The following CNTNAP5 variants were observed in gnomAD, a reference collection of about 807,000 sequenced individuals.
The protein encoded by CNTNAP5 is contactin-associated protein-like 5.
CNTNAP5 carries 72 observed loss-of-function variants against 150.2 expected under a neutral mutation model. That is an observed-to-expected ratio of 0.48 (90% confidence interval 0.40 to 0.58). The LOEUF (loss-of-function observed/expected upper bound fraction) is 0.58. Among genes scored for constraint, CNTNAP5 ranks in the 20% least tolerant of loss-of-function variants. CNTNAP5 has a pLI of 0.00. For synonymous variants in CNTNAP5, 672 were observed against 619.8 expected, an observed-to-expected ratio of 1.08 and a Z score of -1.25; for missense variants, 1,636 against 1,626.2, an observed-to-expected ratio of 1.01 and a Z score of -0.10.
intron 17 of CNTNAP5, among the ~76,000 whole-genome samples, chr2:124,786,977 G>C (rs1681612444): frequency 6.6e-6 from 1 of 152,236 alleles, no homozygotes; most frequent in African/African-American, 2.4e-5. Flanking sequence ...CGGTTTGTCA[G>C]CATCTGTAAT....
At chr2:124,623,681 T>A (rs1677663947) in intron 12 of CNTNAP5, among the ~76,000 whole-genome samples, 1 of 152,208 alleles carries the variant, frequency 6.6e-6, no homozygotes, top group African/African-American at 2.4e-5. Flanking sequence ...CTTCTCCTTA[T>A]CTTCTTTTGC....
At chr2:124,550,927 T>C (rs1023738284) in intron 10 of CNTNAP5, among the ~76,000 whole-genome samples, 4 of 152,198 alleles carry the variant, frequency 2.6e-5, no homozygotes, top group African/African-American at 9.6e-5. Flanking sequence ...TTTGTCATAC[T>C]AACAATATTA....
intron 19 of CNTNAP5, among the ~76,000 whole-genome samples, chr2:124,832,356 A>C (rs1573647077): frequency 6.6e-6 from 1 of 152,152 alleles, no homozygotes; most frequent in South Asian, 2.1e-4. Flanking sequence ...ATACACATAC[A>C]TATGCAAACA....
At chr2:124,839,456 CCT>C (rs1682898611) in intron 19 of CNTNAP5, among the ~76,000 whole-genome samples, 1 of 151,412 alleles carries the variant, frequency 6.6e-6, no homozygotes, top group African/African-American at 2.4e-5. Context: ...TCCCTTTCCC[CCT>C]CTCTCTTTAC....
intron 8 of CNTNAP5, among the ~76,000 whole-genome samples, chr2:124,507,250 G>A (rs1694432107): frequency 6.6e-6 from 1 of 152,068 alleles, no homozygotes; most frequent in South Asian, 2.1e-4. Context: ...CATGAGCCCA[G>A]AAGTTCAAAA....
rs1684458447 is a variant in CNTNAP5, at chr2:124,153,717, C to G, written c.83-67988C>G. 2.7e-5 allele frequency among the ~76,000 whole-genome samples: 4 copies of G among 147,158 alleles called. No individual in the cohort carries two copies. The Admixed American group carries it at 2.8e-4, about 10-fold the overall frequency. On this transcript the variant is annotated intron_variant, in intron 1 of 23. Transcript: ENST00000682447. Reference sequence around the variant, plus strand: ...CTCCTCCTCCCAGGTTCACGCTATTCTCCTGCCTCAGCTTCCCAAGTAGCT... The same window carrying G: ...CTCCTCCTCCCAGGTTCACGCTATTGTCCTGCCTCAGCTTCCCAAGTAGCT...
intron 10 of CNTNAP5, among the ~76,000 whole-genome samples, chr2:124,542,785 A>T (rs1695417702): frequency 6.6e-6 from 1 of 152,102 alleles, no homozygotes; most frequent in African/African-American, 2.4e-5. Context: ...TGATGCATTC[A>T]GCTGAGACAC....
rs770769795 is a variant in CNTNAP5 at position 124,747,372 on chromosome 2, G to C, written c.2221G>C (p.Asp741His). 8 of 1,613,642 alleles carry C rather than the reference G, an allele frequency of 5.0e-6. No individual in the cohort carries two copies. In the Admixed American group the frequency reaches 1.2e-4, roughly 24 times the overall value. Residue 741 changes from aspartate to histidine, a missense_variant, in exon 14 of 24, where the codon GAC (aspartate) becomes CAC (histidine). Asp to His is a moderately conservative substitution (Grantham distance 81). Coordinates refer to ENST00000682447, the MANE Select transcript of CNTNAP5 (RefSeq NM_001367498.1). ...DIQHFCNCDA[D>H]KDEWTNDTGF... ...TCAGCACTTTTGCAATTGCGACGCT[G>C]ACAAGGATGAATGGTAATGAGAATC... is the stretch of plus-strand genomic sequence containing the variant.
intron 1 of CNTNAP5, among the ~76,000 whole-genome samples, chr2:124,078,258 T>C (rs1379836246): frequency 1.3e-5 from 2 of 152,224 alleles, no homozygotes; most frequent in East Asian, 1.9e-4. Context: ...GACTGTTATT[T>C]TTATTTAACA....
chr2:124,534,810 C>T (rs988188945), intron 10 of CNTNAP5, among the ~76,000 whole-genome samples: 1 of 152,194 alleles, frequency 6.6e-6, no homozygotes, highest in Non-Finnish European at 1.5e-5. Context: ...TTACTGGATC[C>T]TGTTTTATCA....
chr2:124,675,306 A>G (rs1276504025), intron 13 of CNTNAP5, among the ~76,000 whole-genome samples: 2 of 152,086 alleles, frequency 1.3e-5, no homozygotes, highest in African/African-American at 2.4e-5. Flanking sequence ...TGCATGGTGT[A>G]TCTTTTACCA....
chr2:124,309,367 A>G (rs1170579947), intron 3 of CNTNAP5, among the ~76,000 whole-genome samples: 1 of 152,234 alleles, frequency 6.6e-6, no homozygotes, highest in Non-Finnish European at 1.5e-5. Flanking sequence ...TACTACAGAT[A>G]TTCAGTAAAG....
At chr2:124,547,569 A>C (rs1695541702) in intron 10 of CNTNAP5, among the ~76,000 whole-genome samples, 1 of 152,136 alleles carries the variant, frequency 6.6e-6, no homozygotes, top group Admixed American at 6.5e-5. Context: ...CTGTTGTGTC[A>C]GTATCTGGGG....
chr2:124,728,687 G>A (rs1003138260), intron 13 of CNTNAP5, among the ~76,000 whole-genome samples: 1 of 151,928 alleles, frequency 6.6e-6, no homozygotes, highest in African/African-American at 2.4e-5. Flanking sequence ...AATGCTTCAT[G>A]GGAGAGGTAA....
chr2:124,242,704 G>A (rs747447037), intron 3 of CNTNAP5, among the ~76,000 whole-genome samples: 1 of 152,044 alleles, frequency 6.6e-6, no homozygotes. Flanking sequence ...CAAAAAGTAC[G>A]ATTATTAATG....
chr2:124,830,931 G>T (rs1165700381), intron 19 of CNTNAP5, among the ~76,000 whole-genome samples: 2 of 151,972 alleles, frequency 1.3e-5, no homozygotes, highest in Non-Finnish European at 2.9e-5. Flanking sequence ...TTAAACTTTT[G>T]AGACATAAAT....
intron 1 of CNTNAP5, among the ~76,000 whole-genome samples, chr2:124,103,617 A>G (rs376094451): frequency 1.3e-4 from 20 of 152,188 alleles, no homozygotes; most frequent in African/African-American, 4.8e-4. Flanking sequence ...GTCCAGCAAC[A>G]TGGTGTATAG....
intron 1 of CNTNAP5, among the ~76,000 whole-genome samples, chr2:124,030,309 C>T (rs1025667825): frequency 3.3e-5 from 5 of 152,014 alleles, no homozygotes; most frequent in Non-Finnish European, 7.4e-5. Flanking sequence ...TATCTCTCAC[C>T]TCATATTGTG....
chr2:124,433,288 G>C (rs1022251268), intron 4 of CNTNAP5, among the ~76,000 whole-genome samples: 1 of 152,148 alleles, frequency 6.6e-6, no homozygotes, highest in Non-Finnish European at 1.5e-5. Flanking sequence ...TATATGGACA[G>C]TTTATTTTTA....
Sources: allele counts gnomAD v4.1 joint callset (sites outside exome capture counted in the v4.1 genomes callset), GRCh38; gene constraint gnomAD v4.1.1; transcripts MANE v1.5; gene names NCBI Gene and HGNC (gene_info 2026-07-23, HGNC 2026-07-21).